The following ZNF462 variants were observed in gnomAD, a reference collection of about 807,000 sequenced individuals.
ZNF462 encodes the protein zinc finger protein 462.
ZNF462 carries 10 observed loss-of-function variants against 201.9 expected under a neutral mutation model. The observed-to-expected ratio is 0.05, with a 90% CI of 0.03 to 0.08. The LOEUF (loss-of-function observed/expected upper bound fraction) is 0.08. ZNF462 is among the 10% of genes least tolerant of loss of function. The pLI, the probability that ZNF462 is intolerant of heterozygous loss-of-function variation, is 1.00. For synonymous variants in ZNF462, 1,227 were observed against 1,193.3 expected (o/e 1.03, Z -0.58); for missense variants, 2,523 against 3,168.3 (o/e 0.80, Z 4.89).
rs1209343540 is a variant in ZNF462 at position 106,938,098 on chromosome 9, T to C, written c.6236-818T>C. On this transcript the variant is annotated intron_variant, in intron 6 of 12. Transcript: ENST00000277225. This position sits in a 1 kb window ranked among gnomAD's most constrained non-coding sequence, Gnocchi z 4.4. Reference sequence around the variant, plus strand: ...TGTAATTAATTTAACAGGTAATATATGGCGAAGGTAAATCACACTTTAACT... The same window carrying C: ...TGTAATTAATTTAACAGGTAATATACGGCGAAGGTAAATCACACTTTAACT... Among the ~76,000 whole-genome samples the C allele has an allele frequency of 6.6e-6, 1 of 152,238 alleles. No individual in the cohort carries two copies. Among genetic ancestry groups the C allele is most frequent in the Non-Finnish European group, 1.5e-5 (1 of 68,036 alleles).
Position 107,009,781 on chromosome 9 carries a change from C to T in ZNF462, c.7313+113C>T. ...ATGTACACCCCTCTGTGTCACATTT[C>T]TGGGCCGTGGGAGGAGAGGCAATGG... is the stretch of plus-strand genomic sequence containing the variant. On this transcript the variant is annotated intron_variant, in intron 12 of 12. Transcript: ENST00000277225. This position sits in a 1 kb window ranked among gnomAD's most constrained non-coding sequence, Gnocchi z 6.1. 1 of 1,468,936 alleles carries T rather than the reference C, an allele frequency of 6.8e-7. No homozygotes were observed. Among genetic ancestry groups the T allele is most frequent in the Non-Finnish European group, 9.2e-7 (1 of 1,091,466 alleles). The allele number at this position is 1,468,936 out of a possible 1,614,324, so 91.0% of individuals were successfully genotyped here.
rs772649620 is a variant in ZNF462 at position 106,924,206 on chromosome 9, C to T, written c.294C>T (p.Ala98=). 3.2e-5 allele frequency: 52 copies of T among 1,614,052 alleles called. No homozygotes were observed. In the Admixed American group the frequency reaches 3.7e-4, roughly 11 times the overall value. Residue 98 remains alanine, a synonymous_variant, in exon 3 of 13, where the codon GCC becomes GCT. Coordinates refer to ENST00000277225, the MANE Select transcript of ZNF462 (RefSeq NM_021224.6). This position sits in a 1 kb window ranked among gnomAD's most constrained non-coding sequence, Gnocchi z 6.2. ...CAGGATATTATGGTCAGCATATTGC[C>T]GCTAATCCCAAACCAACAAACAAGT... The part of the protein sequence containing the change: ...HSPGYYGQHI[A]ANPKPTNKFF...
chr9:106,928,812 A>G lies in ZNF462; in HGVS notation c.4900A>G (p.Ile1634Val), dbSNP rs752895762. 1.2e-5 allele frequency: 19 copies of G among 1,613,962 alleles called. No individual in the cohort carries two copies. The highest frequency in any genetic ancestry group is 5.5e-5 in the South Asian group (5 of 91,076). Residue 1634 changes from isoleucine to valine, a missense_variant, in exon 3 of 13, where the codon ATC becomes GTC. Ile to Val is a conservative substitution (Grantham distance 29, BLOSUM62 3). Transcript: ENST00000277225. The surrounding 1 kb of genome is among the most constrained non-coding windows in gnomAD (Gnocchi z 9.3). ...TTEVSPSQVS[I>V]TEEEVGEEPV... is the part of the protein sequence containing the mutation. ...TGAAGTGAGCCCTTCCCAAGTCTCC[A>G]TCACTGAGGAGGAGGTGGGAGAGGA... is the stretch of plus-strand genomic sequence containing the variant.
intron 1 of ZNF462, among the ~76,000 whole-genome samples, chr9:106,922,563 T>G (rs1484594406): frequency 6.6e-6 from 1 of 152,214 alleles, no homozygotes; most frequent in Non-Finnish European, 1.5e-5. Context: ...GTTGTCTTCA[T>G]GCAAATTGAG....
At chr9:106,894,464 G>A (rs979199210) in intron 1 of ZNF462, among the ~76,000 whole-genome samples, 1 of 152,186 alleles carries the variant, frequency 6.6e-6, no homozygotes, top group Non-Finnish European at 1.5e-5. Flanking sequence ...TAACTCTTTA[G>A]TCTTTATCTT....
intron 1 of ZNF462, among the ~76,000 whole-genome samples, chr9:106,879,334 C>CA (rs1338041806): frequency 2.9e-4 from 23 of 79,656 alleles, no homozygotes; most frequent in African/African-American, 1.0e-3. Context: ...TGCTTTCCAC[C>CA]CCCCCCCCCA....
At position 106,933,730 on chromosome 9, in the gene ZNF462, A is replaced by T. The variant is rs920814891; in HGVS notation, c.6116+1181A>T. Among the ~76,000 whole-genome samples, 17 of 152,338 alleles carry T rather than the reference A, an allele frequency of 1.1e-4. No homozygotes were observed. The highest frequency in any genetic ancestry group is 4.1e-4 in the African/African-American group (17 of 41,568). On this transcript the variant is annotated intron_variant, in intron 5 of 12. Transcript: ENST00000277225. The surrounding 1 kb of genome is among the most constrained non-coding windows in gnomAD (Gnocchi z 4.3). ...TACTATGATGTGTCAAAGAAGAGAA[A>T]TGTTACATCAGCTTTGGAAGAGTCA...
rs944757180 is a variant in ZNF462 at position 106,923,733 on chromosome 9, G to A, written c.220+130G>A. ...TTGTGCTTTGCTAGCCATTTTTGTG[G>A]TTTGGGCATCATGTATCTCTCCTTG... On this transcript the variant is annotated intron_variant, in intron 2 of 12. Transcript: ENST00000277225. The surrounding 1 kb of genome is among the most constrained non-coding windows in gnomAD (Gnocchi z 5.6). 8 of 900,806 alleles carry A rather than the reference G, an allele frequency of 8.9e-6. No homozygotes were observed. The African/African-American group carries it at 1.3e-4, about 15-fold the overall frequency. 55.8% of individuals were successfully genotyped at this position (900,806 alleles called of 1,614,324 possible).
intron 9 of ZNF462, among the ~76,000 whole-genome samples, chr9:106,982,680 C>T (rs1468068945): frequency 6.6e-6 from 1 of 152,182 alleles, no homozygotes; most frequent in Non-Finnish European, 1.5e-5. Context: ...TGCATTAGAG[C>T]TCCAGGGGGT....
At chr9:106,942,300 A>G (rs1432390966) in intron 7 of ZNF462, among the ~76,000 whole-genome samples, 1 of 152,174 alleles carries the variant, frequency 6.6e-6, no homozygotes, top group Non-Finnish European at 1.5e-5. Flanking sequence ...CTCCCAACCC[A>G]GAGGAGGGAG....
chr9:106,996,460 A>G (rs903615651), intron 10 of ZNF462, among the ~76,000 whole-genome samples: 1 of 151,796 alleles, frequency 6.6e-6, no homozygotes, highest in Non-Finnish European at 1.5e-5. Context: ...TTTCTCCACA[A>G]CCTCTCCAGC....
rs562573417 is a variant in ZNF462, at chr9:107,006,132, C to T, written c.7189+2706C>T. Among the ~76,000 whole-genome samples the T allele has an allele frequency of 7.2e-5, 11 of 152,184 alleles. No homozygotes were observed. Among genetic ancestry groups the T allele is most frequent in the Admixed American group, 7.2e-4 (11 of 15,280 alleles). On this transcript the variant is annotated intron_variant, in intron 11 of 12. Transcript: ENST00000277225. This position sits in a 1 kb window ranked among gnomAD's most constrained non-coding sequence, Gnocchi z 4.3. ...TCGGGTAGGGTGGTGCCTCCAACTTCGTTCTGTTTGTTTAAGATTTCTTTG... is the reference window on the plus strand; with the variant it reads ...TCGGGTAGGGTGGTGCCTCCAACTTTGTTCTGTTTGTTTAAGATTTCTTTG...
chr9:106,905,632 C>T lies in ZNF462; in HGVS notation c.-30-17722C>T, dbSNP rs1453582055. ...GGAGATGAGGGTGAGATTCCCAGGT[C>T]ACTGGAGTTGTGTACCTAGGAGGAT... On this transcript the variant is annotated intron_variant, in intron 1 of 12. Coordinates refer to ENST00000277225, the MANE Select transcript of ZNF462 (RefSeq NM_021224.6). The surrounding 1 kb of genome is among the most constrained non-coding windows in gnomAD (Gnocchi z 5.9). 6.6e-6 allele frequency among the ~76,000 whole-genome samples: 1 copy of T among 152,070 alleles called. No individual in the cohort carries two copies. The highest frequency in any genetic ancestry group is 1.5e-5 in the Non-Finnish European group (1 of 68,022).
In ZNF462 at chr9:106,895,886, T is replaced by G. The variant is rs1365337000; in HGVS notation, c.-30-27468T>G. ...TTATTCATAGACAAACCATTCAGTC[T>G]GGTTATGATGTTCACCTCCCCTCTA... On this transcript the variant is annotated intron_variant, in intron 1 of 12. Transcript: ENST00000277225. The surrounding 1 kb of genome is among the most constrained non-coding windows in gnomAD (Gnocchi z 4.4). Among the ~76,000 whole-genome samples the G allele has an allele frequency of 6.6e-6, 1 of 152,190 alleles. No homozygotes were observed. The highest frequency in any genetic ancestry group is 2.4e-5 in the African/African-American group (1 of 41,448).
intron 1 of ZNF462, among the ~76,000 whole-genome samples, chr9:106,873,628 C>A (rs1827696587): frequency 6.6e-6 from 1 of 152,152 alleles, no homozygotes; most frequent in Non-Finnish European, 1.5e-5. Context: ...ACCCCCTCCA[C>A]CCCTTTTTGT....
At position 106,926,303 on chromosome 9, in the gene ZNF462, A is replaced by C; in HGVS notation, c.2391A>C (p.Glu797Asp). 1 of 1,614,182 alleles carries C rather than the reference A, an allele frequency of 6.2e-7. No individual in the cohort carries two copies. The highest frequency in any genetic ancestry group is 8.5e-7 in the Non-Finnish European group (1 of 1,180,032). Residue 797 changes from glutamate to aspartate, a missense_variant, in exon 3 of 13, where the codon GAA becomes GAC. Glu to Asp is a conservative substitution (Grantham distance 45). Around this residue, in one of 15 missense-constraint regions of ZNF462, gnomAD observed 383 missense variants for 453.4 expected, o/e 0.84. Transcript: ENST00000277225. The surrounding 1 kb of genome is among the most constrained non-coding windows in gnomAD (Gnocchi z 7.9). ...AEIELTLSED[E>D]EDYYGSSTNL... Reference sequence around the variant, plus strand: ...TTGAGCTCACCCTTTCTGAAGATGAAGAGGATTATTATGGCTCCTCAACAA... The same window carrying C: ...TTGAGCTCACCCTTTCTGAAGATGACGAGGATTATTATGGCTCCTCAACAA...
intron 10 of ZNF462, among the ~76,000 whole-genome samples, chr9:107,002,502 C>G (rs1023465248): frequency 1.3e-5 from 2 of 152,114 alleles, no homozygotes; most frequent in African/African-American, 4.8e-5. Flanking sequence ...ATCTGAGAAC[C>G]CAAAATGGAA....
intron 8 of ZNF462, among the ~76,000 whole-genome samples, chr9:106,973,369 G>A (rs1249592472): frequency 6.6e-6 from 1 of 151,986 alleles, no homozygotes; most frequent in Admixed American, 6.6e-5. Context: ...GCTGGGATTT[G>A]ATGGAACGTG....
chr9:106,926,801 C>G lies in ZNF462; in HGVS notation c.2889C>G (p.Val963=). The G allele has an allele frequency of 6.2e-7, 1 of 1,614,144 alleles. No homozygotes were observed. ...ACGCGATGATATTTTCAAGCTATGTCGTGGAGCAGCAGGAAGGGCTGAATA... is the reference window on the plus strand; with the variant it reads ...ACGCGATGATATTTTCAAGCTATGTGGTGGAGCAGCAGGAAGGGCTGAATA... ...INNAMIFSSY[V]VEQQEGLNTE... Residue 963 remains valine, a synonymous_variant, in exon 3 of 13, where the codon GTC becomes GTG. Coordinates refer to ENST00000277225, the MANE Select transcript of ZNF462 (RefSeq NM_021224.6). The surrounding 1 kb of genome is among the most constrained non-coding windows in gnomAD (Gnocchi z 7.9).
Sources: allele counts gnomAD v4.1 joint callset (sites outside exome capture counted in the v4.1 genomes callset), GRCh38; gene constraint gnomAD v4.1.1; regional missense constraint gnomAD v4.1.1; non-coding constraint Gnocchi (gnomAD v3.1); transcripts MANE v1.5; gene names NCBI Gene and HGNC (gene_info 2026-07-23, HGNC 2026-07-21).